TTL: variants seen among roughly 807,000 people sequenced by gnomAD.
The protein encoded by TTL is tubulin--tyrosine ligase.
In TTL, 10 loss-of-function variants were observed where a neutral mutation model predicts 41.1. The ratio of observed to expected loss-of-function variants is 0.24; its 90% CI spans 0.15 to 0.41. The LOEUF is 0.41. Among genes scored for constraint, TTL ranks in the 10% least tolerant of loss-of-function variants. The pLI is 1.00. For missense variants in TTL, 367 were observed against 460.4 expected, an observed-to-expected ratio of 0.80 and a Z score of 1.86; for synonymous variants, 175 against 175.5, an observed-to-expected ratio of 1.00 and a Z score of 0.02.
intron 1 of TTL, among the ~76,000 whole-genome samples, chr2:112,484,439 A>AT (rs1681184448): frequency 2.0e-5 from 3 of 151,358 alleles, no homozygotes; most frequent in Admixed American, 2.0e-4. Flanking sequence ...AATTTTTTGT[A>AT]TTTTTGGTAG....
In TTL at chr2:112,529,011, A is replaced by T. The variant is rs773780001; in HGVS notation, c.*216A>T. ...TGTAGCTCTCAGCAGTGCTGTTGAGACTTTTGAAAACAACTTTGGTACACA... is the reference window on the plus strand; with the variant it reads ...TGTAGCTCTCAGCAGTGCTGTTGAGTCTTTTGAAAACAACTTTGGTACACA... On this transcript the variant is annotated 3_prime_UTR_variant, in exon 7 of 7. Coordinates refer to ENST00000233336, the MANE Select transcript of TTL (RefSeq NM_153712.5). 6.9e-5 allele frequency: 39 copies of T among 564,892 alleles called. No homozygotes were observed. The highest frequency in any genetic ancestry group is 1.1e-4 in the Non-Finnish European group (36 of 315,948). The allele number at this position is 564,892 out of a possible 1,614,324, so 35.0% of individuals were successfully genotyped here.
intron 5 of TTL, among the ~76,000 whole-genome samples, chr2:112,514,309 G>T (rs557386346): frequency 3.3e-5 from 5 of 151,982 alleles, no homozygotes; most frequent in African/African-American, 1.2e-4. Context: ...TTGAACCTGG[G>T]GGGTGGAAGT....
At chr2:112,483,658 C>T (rs1452560018) in intron 1 of TTL, 2 of 152,216 alleles carry the variant, frequency 1.3e-5, no homozygotes, top group East Asian at 1.9e-4. Context: ...CATTTATGAG[C>T]TTCCATAGAC....
At chr2:112,523,490 T>C (rs1279926527) in intron 6 of TTL, among the ~76,000 whole-genome samples, 4 of 150,452 alleles carry the variant, frequency 2.7e-5, no homozygotes, top group Admixed American at 2.0e-4. Context: ...GGAGTCTTCC[T>C]CTGTCACTGG....
At chr2:112,524,538 A>G (rs1420178631) in intron 6 of TTL, among the ~76,000 whole-genome samples, 3 of 152,150 alleles carry the variant, frequency 2.0e-5, no homozygotes, top group Non-Finnish European at 4.4e-5. Context: ...CATTTCTCTG[A>G]TGGCCAGTGA....
At chr2:112,517,939 G>T (rs1411786596) in intron 5 of TTL, among the ~76,000 whole-genome samples, 1 of 148,308 alleles carries the variant, frequency 6.7e-6, no homozygotes, top group Non-Finnish European at 1.5e-5. Context: ...GACAGAGTGA[G>T]ACCCTGTCTC....
intron 6 of TTL, among the ~76,000 whole-genome samples, chr2:112,522,834 C>T (rs1412093965): frequency 2.0e-5 from 3 of 152,176 alleles, no homozygotes. Flanking sequence ...GAGTCCTTTG[C>T]CCTCCATTTG....
intron 5 of TTL, among the ~76,000 whole-genome samples, chr2:112,515,074 TTTC>T (rs1297682049): frequency 6.6e-6 from 1 of 152,224 alleles, no homozygotes; most frequent in Non-Finnish European, 1.5e-5. Context: ...TTTATATTTG[TTTC>T]TTTTTTTCAT....
intron 2 of TTL, 121 bp downstream of exon 2, chr2:112,486,116 A>G: frequency 1.0e-6 from 1 of 999,824 alleles, no homozygotes; most frequent in Non-Finnish European, 1.5e-6. Context: ...TCAGTTCAGA[A>G]GCTTCCTCTA....
At chr2:112,526,033 A>G (rs1272205137) in intron 6 of TTL, among the ~76,000 whole-genome samples, 4 of 142,882 alleles carry the variant, frequency 2.8e-5, no homozygotes, top group South Asian at 4.1e-4. Context: ...TTCTGCATCT[A>G]TTGAGATAAT....
In TTL at chr2:112,537,786, C is replaced by A. The variant is rs1316227321; in HGVS notation, c.*8991C>A. 6.6e-6 allele frequency: 1 copy of A among 152,008 alleles called. No homozygotes were observed. Among genetic ancestry groups the A allele is most frequent in the Non-Finnish European group, 1.5e-5 (1 of 68,006 alleles). 9.4% of individuals were successfully genotyped at this position (152,008 alleles called of 1,614,324 possible). A position where few individuals can be genotyped will look rare whatever the true frequency, so the allele number is the denominator to read the frequency against. On this transcript the variant is annotated 3_prime_UTR_variant, in exon 7 of 7. Coordinates refer to ENST00000233336, the MANE Select transcript of TTL (RefSeq NM_153712.5). Reference sequence around the variant, plus strand: ...ACAATTTAACTACAATAGTTGGAACCCTCAAAACTCCATTTCAATAATAGC... The same window carrying A: ...ACAATTTAACTACAATAGTTGGAACACTCAAAACTCCATTTCAATAATAGC...
chr2:112,503,585 C>T (rs887739574), intron 5 of TTL, among the ~76,000 whole-genome samples: 1 of 149,726 alleles, frequency 6.7e-6, no homozygotes, highest in Admixed American at 6.6e-5. Flanking sequence ...AGGCATGTGC[C>T]ACCACGCTGG....
chr2:112,497,175 C>T (rs1386975157), intron 3 of TTL, among the ~76,000 whole-genome samples: 1 of 151,834 alleles, frequency 6.6e-6, no homozygotes. Context: ...ACCACCACAC[C>T]CTGTTAATTT....
At chr2:112,526,674 CTCTTT>C (rs561063637) in intron 6 of TTL, among the ~76,000 whole-genome samples, 394 of 152,220 alleles carry the variant, frequency 2.6e-3, no homozygotes, top group African/African-American at 8.9e-3. Context: ...TGATTCTTCT[CTCTTT>C]TCTTCTTTAT....
intron 3 of TTL, among the ~76,000 whole-genome samples, chr2:112,500,682 G>A (rs1250563005): frequency 6.6e-6 from 1 of 152,270 alleles, no homozygotes; most frequent in African/African-American, 2.4e-5. Context: ...TAAATTTTTT[G>A]GTATATGAAT....
intron 1 of TTL, among the ~76,000 whole-genome samples, chr2:112,485,312 TA>T (rs560639242): frequency 2.0e-5 from 3 of 151,978 alleles, no homozygotes; most frequent in Non-Finnish European, 4.4e-5. Context: ...TCTAATTCTA[TA>T]AAAAAAAGCC....
intron 6 of TTL, among the ~76,000 whole-genome samples, chr2:112,527,194 T>C (rs796502655): frequency 6.6e-6 from 1 of 152,252 alleles, no homozygotes; most frequent in African/African-American, 2.4e-5. Flanking sequence ...TGCTGAGGAG[T>C]GCTTTACTTC....
At position 112,482,392 on chromosome 2, in the gene TTL, G is replaced by A. The variant is rs749272853; in HGVS notation, c.48G>A (p.Glu16=). Reference sequence around the variant, plus strand: ...ATGAGAACAGCAGCGTCTACGCCGAGGTCTCCCGGCTGCTCCTCGCCACCG... The same window carrying A: ...ATGAGAACAGCAGCGTCTACGCCGAAGTCTCCCGGCTGCTCCTCGCCACCG... The part of the protein sequence containing the change: ...VRDENSSVYA[E]VSRLLLATGH... The change falls in exon 1 of 7, where the codon GAG becomes GAA. Residue 16 remains glutamate (E), a synonymous_variant. Transcript: ENST00000233336. The surrounding 1 kb of genome is among the most constrained non-coding windows in gnomAD (Gnocchi z 5.3). The A allele has an allele frequency of 1.9e-5, 31 of 1,598,152 alleles. No individual in the cohort carries two copies. The South Asian group carries it at 2.8e-4, about 15-fold the overall frequency.
intron 5 of TTL, among the ~76,000 whole-genome samples, chr2:112,517,370 C>T (rs923238878): frequency 1.3e-5 from 2 of 151,902 alleles, no homozygotes; most frequent in Non-Finnish European, 2.9e-5. Flanking sequence ...GCCTTAGCCT[C>T]CCGACTAGCT....
Sources: gnomAD v4.1 joint callset for allele counts (sites outside exome capture counted in the v4.1 genomes callset) on GRCh38, gnomAD v4.1.1 for gene constraint, Gnocchi (gnomAD v3.1) non-coding constraint, MANE v1.5 for transcripts, NCBI Gene and HGNC (gene_info 2026-07-23, HGNC 2026-07-21) for gene names.